The following NAT10 variants were observed in gnomAD, a reference collection of about 807,000 sequenced individuals.
The protein encoded by NAT10 is RNA cytidine acetyltransferase.
A neutral mutation model predicts 132.2 loss-of-function variants in NAT10; 109 were observed. That is an observed-to-expected ratio of 0.82 (90% CI 0.71 to 0.97). NAT10 has a LOEUF of 0.97. Ranked by LOEUF, NAT10 falls within the 50% of genes least tolerant of loss-of-function variation. The pLI is 0.00. For missense variants in NAT10, 1,184 were observed against 1,263.4 expected, an observed-to-expected ratio of 0.94 and a Z score of 0.95; for synonymous variants, 479 against 478.0, an observed-to-expected ratio of 1.00 and a Z score of -0.03.
rs553463575 is a variant in NAT10 at position 34,141,812 on chromosome 11, G to A, written c.2806G>A (p.Asp936Asn). 1.9e-6 allele frequency: 3 copies of A among 1,613,166 alleles called. No individual in the cohort carries two copies. Among genetic ancestry groups the A allele is most frequent in the African/African-American group, 1.3e-5 (1 of 75,024 alleles). The change falls in exon 26 of 29, where the codon GAC becomes AAC. Residue 936 changes from aspartate to asparagine, a missense_variant. Transcript: ENST00000257829. ...MEPTMKTLSD[D>N]LDEAAKEFQE... The stretch of plus-strand genomic sequence containing the variant: ...GCCCACGATGAAGACCCTCAGTGAC[G>A]ACCTAGTATGTCCCTGCTCATGGCC...
At chr11:34,115,145 G>A (rs1430204678) in intron 5 of NAT10, among the ~76,000 whole-genome samples, 1 of 152,230 alleles carries the variant, frequency 6.6e-6, no homozygotes, top group Non-Finnish European at 1.5e-5. Context: ...AACAGAGCAA[G>A]ACTCCGTCTC....
Position 34,130,950 on chromosome 11 carries a change from C to T in NAT10, c.1369+13C>T. The T allele has an allele frequency of 1.9e-6, 3 of 1,613,684 alleles. No individual in the cohort carries two copies. The highest frequency in any genetic ancestry group is 2.5e-6 in the Non-Finnish European group (3 of 1,179,700). On this transcript the variant is annotated intron_variant, in intron 13 of 28. Coordinates refer to ENST00000257829, the MANE Select transcript of NAT10 (RefSeq NM_024662.3). ...AGATTGGCATCAGGTACCCCAGAAC[C>T]TGACCCGGGTCCCGCGGTTCACAGC...
chr11:34,136,904 T>C, intron 20 of NAT10, 74 bp from the exon 21 acceptor site: 1 of 1,611,204 alleles, frequency 6.2e-7, no homozygotes, highest in Non-Finnish European at 8.5e-7. Context: ...TCTTCCTGGC[T>C]CTTGCCCTTG....
intron 24 of NAT10, 117 bp from the exon 25 acceptor site, chr11:34,140,972 T>C: frequency 7.3e-7 from 1 of 1,365,536 alleles, no homozygotes; most frequent in Non-Finnish European, 1.0e-6. Context: ...ATATACACAG[T>C]GCTAGTCTAC....
At chr11:34,127,250 A>T (rs1226999504) in intron 11 of NAT10, among the ~76,000 whole-genome samples, 1 of 152,210 alleles carries the variant, frequency 6.6e-6, no homozygotes, top group Non-Finnish European at 1.5e-5. Flanking sequence ...GTCCAAGGTC[A>T]TATGATCAGT....
chr11:34,112,389 G>A (rs146300283), intron 4 of NAT10, among the ~76,000 whole-genome samples, 166 bp downstream of exon 4: 30 of 152,270 alleles, frequency 2.0e-4, no homozygotes, highest in South Asian at 8.3e-4. Context: ...AAGTACACTC[G>A]GTCACCTACC....
intron 5 of NAT10, among the ~76,000 whole-genome samples, chr11:34,115,479 CTCCA>C (rs1225089155): frequency 2.0e-5 from 3 of 152,074 alleles, no homozygotes; most frequent in Non-Finnish European, 4.4e-5. Flanking sequence ...ATTTTTCTTC[CTCCA>C]TCCATTATAC....
intron 12 of NAT10, among the ~76,000 whole-genome samples, chr11:34,128,375 A>G (rs1004468040): frequency 6.6e-6 from 1 of 152,156 alleles, no homozygotes; most frequent in African/African-American, 2.4e-5. Context: ...AAAAAAAAAA[A>G]AAAGAAAAAT....
intron 13 of NAT10, 58 bp downstream of exon 13, chr11:34,130,995 G>A: frequency 2.5e-6 from 4 of 1,595,734 alleles, no homozygotes; most frequent in Non-Finnish European, 3.4e-6. Flanking sequence ...CAGTCTTACT[G>A]ATCCTCGCTT....
At chr11:34,109,301 CT>C (rs1320572021) in intron 3 of NAT10, among the ~76,000 whole-genome samples, 2 of 152,196 alleles carry the variant, frequency 1.3e-5, no homozygotes, top group Non-Finnish European at 2.9e-5. Context: ...CCTTTGGAAA[CT>C]TTCTCCTTCC....
chr11:34,134,505 C>T lies in NAT10; in HGVS notation c.1837-7C>T. On this transcript the variant is annotated splice_polypyrimidine_tract_variant and splice_region_variant and intron_variant, in intron 17 of 28. Transcript: ENST00000257829. ...TGCTAAGTTACTGGTTTGTGTCTCC[C>T]ACACAGTTCCAAGATCCAGACTTTG... 6.2e-7 allele frequency: 1 copy of T among 1,614,144 alleles called. No homozygotes were observed. The highest frequency in any genetic ancestry group is 8.5e-7 in the Non-Finnish European group (1 of 1,179,998).
intron 28 of NAT10, among the ~76,000 whole-genome samples, chr11:34,145,029 C>A (rs1213283999): frequency 6.6e-6 from 1 of 152,162 alleles, no homozygotes; most frequent in African/African-American, 2.4e-5. Context: ...GCACAGAAGC[C>A]CACTGTCAGT....
rs146402283 is a variant in NAT10 at position 34,133,833 on chromosome 11, G to A, written c.1735-486G>A. Among the ~76,000 whole-genome samples, 74 of 152,192 alleles carry A rather than the reference G, an allele frequency of 4.9e-4. 2 individuals are homozygous for A. Among genetic ancestry groups the A allele is most frequent in the South Asian group, 4.2e-3 (20 of 4,814 alleles). On this transcript the variant is annotated intron_variant, in intron 16 of 28. Coordinates refer to ENST00000257829, the MANE Select transcript of NAT10 (RefSeq NM_024662.3). ...TCAGTCTTCTGCCCTGTAACATGGGGCCTGGTAATTAAGCTCCTGTTAAGA... is the reference window on the plus strand; with the variant it reads ...TCAGTCTTCTGCCCTGTAACATGGGACCTGGTAATTAAGCTCCTGTTAAGA...
intron 8 of NAT10, among the ~76,000 whole-genome samples, chr11:34,121,851 T>A (rs1213675995): frequency 3.6e-5 from 3 of 82,650 alleles, no homozygotes; most frequent in East Asian, 7.9e-4. Flanking sequence ...AGAGCGAGAC[T>A]CTGTCTCAAA....
intron 10 of NAT10, 37 bp downstream of exon 10, chr11:34,123,892 T>C (rs1209232451): frequency 2.7e-6 from 4 of 1,503,700 alleles, no homozygotes; most frequent in African/African-American, 1.4e-5. Context: ...ATTTTGGACC[T>C]GGTGTGGTGG....
chr11:34,139,700 C>T (rs1341596008), intron 23 of NAT10, among the ~76,000 whole-genome samples: 1 of 152,140 alleles, frequency 6.6e-6, no homozygotes, highest in Admixed American at 6.5e-5. Context: ...TCTGGCTGTG[C>T]AATTTAATGT....
At chr11:34,143,356 T>G (rs1852375204) in intron 27 of NAT10, 89 bp from the exon 28 acceptor site, 3 of 1,146,850 alleles carry the variant, frequency 2.6e-6, no homozygotes. Flanking sequence ...AGGAAGTGTC[T>G]GATAAGAATG....
chr11:34,119,718 A>T (rs534527219), intron 8 of NAT10, among the ~76,000 whole-genome samples: 53 of 152,348 alleles, frequency 3.5e-4, no homozygotes, highest in African/African-American at 1.2e-3. Flanking sequence ...CTCTTTTTTC[A>T]TGCACATAAA....
chr11:34,141,019 G>A, intron 24 of NAT10, 70 bp from the exon 25 acceptor site: 1 of 1,605,918 alleles, frequency 6.2e-7, no homozygotes. Context: ...GAGTACTCTG[G>A]TTCTTGGCGC....
Sources: gnomAD v4.1 joint callset for allele counts (sites outside exome capture counted in the v4.1 genomes callset) on GRCh38, gnomAD v4.1.1 for gene constraint, MANE v1.5 for transcripts, NCBI Gene and HGNC (gene_info 2026-07-23, HGNC 2026-07-21) for gene names.